NTNG1: variants seen among roughly 807,000 people sequenced by gnomAD.
NTNG1 encodes the protein netrin G1, also known as netrin-G1.
Under a neutral mutation model 54.0 loss-of-function variants are expected in NTNG1, and 16 were observed. The observed-to-expected ratio is 0.30, with a 90% confidence interval of 0.20 to 0.45. The LOEUF (loss-of-function observed/expected upper bound fraction) is 0.45, where lower values mean the gene tolerates loss of function less well. Ranked by LOEUF, NTNG1 falls within the 20% of genes least tolerant of loss-of-function variation. The pLI, the probability that NTNG1 is intolerant of heterozygous loss-of-function variation, is 1.00. For synonymous variants in NTNG1, 255 were observed against 263.1 expected (o/e 0.97, Z 0.30); for missense variants, 530 against 678.7 (o/e 0.78, Z 2.43).
chr1:107,286,606 A>G (rs1377479141), intron 2 of NTNG1, among the ~76,000 whole-genome samples: 1 of 152,182 alleles, frequency 6.6e-6, no homozygotes. Flanking sequence ...TAGAGAAGCA[A>G]ATAGAATTAT....
chr1:107,180,064 G>C (rs976312768), intron 2 of NTNG1, among the ~76,000 whole-genome samples: 1 of 152,134 alleles, frequency 6.6e-6, no homozygotes, highest in Non-Finnish European at 1.5e-5. Context: ...GAGTGTCTTA[G>C]ATTTTTCTGT....
At chr1:107,437,922 C>T (rs1675708131) in intron 7 of NTNG1, among the ~76,000 whole-genome samples, 2 of 152,058 alleles carry the variant, frequency 1.3e-5, no homozygotes, top group Non-Finnish European at 2.9e-5. Context: ...GTTATTTTTG[C>T]TTGCTTTTCA....
At chr1:107,456,790 T>A (rs1338749383) in intron 7 of NTNG1, among the ~76,000 whole-genome samples, 1 of 152,214 alleles carries the variant, frequency 6.6e-6, no homozygotes, top group Non-Finnish European at 1.5e-5. Flanking sequence ...ATGCAAGACC[T>A]CAGTCCCCAA....
chr1:107,163,556 G>A (rs1177353516), intron 2 of NTNG1, among the ~76,000 whole-genome samples: 1 of 152,116 alleles, frequency 6.6e-6, no homozygotes, highest in Non-Finnish European at 1.5e-5. Flanking sequence ...ATGGCAGCTA[G>A]TAGCTAACTG....
chr1:107,227,206 T>C (rs1365126778), intron 2 of NTNG1, among the ~76,000 whole-genome samples: 1 of 152,090 alleles, frequency 6.6e-6, no homozygotes, highest in Non-Finnish European at 1.5e-5. Context: ...ATAAGAGTAC[T>C]TACCTCACAG....
chr1:107,311,024 C>T (rs1666980105), intron 2 of NTNG1, among the ~76,000 whole-genome samples: 1 of 152,102 alleles, frequency 6.6e-6, no homozygotes. Flanking sequence ...TGTAATTAGC[C>T]ACTGAAGCTG....
chr1:107,233,082 A>G (rs530732200), intron 2 of NTNG1, among the ~76,000 whole-genome samples: 5 of 152,330 alleles, frequency 3.3e-5, no homozygotes, highest in East Asian at 1.9e-4. Flanking sequence ...TGTCTCTAAT[A>G]TGACTGATAC....
At chr1:107,146,723 A>T (rs1344831622) in intron 1 of NTNG1, among the ~76,000 whole-genome samples, 1 of 152,104 alleles carries the variant, frequency 6.6e-6, no homozygotes, top group Admixed American at 6.6e-5. Context: ...TATGAATTGA[A>T]TATAATGAAA....
chr1:107,247,709 C>T (rs1662296226), intron 2 of NTNG1, among the ~76,000 whole-genome samples: 1 of 152,150 alleles, frequency 6.6e-6, no homozygotes, highest in Non-Finnish European at 1.5e-5. Flanking sequence ...GAGAAGATCT[C>T]ATTTACTCCT....
chr1:107,419,239 CCTCTCTCT>C (rs147796224), intron 5 of NTNG1, among the ~76,000 whole-genome samples: 2 of 148,188 alleles, frequency 1.3e-5, no homozygotes, highest in Non-Finnish European at 3.0e-5. Context: ...CCTCCTCCCT[CCTCTCTCT>C]CTCTCTCTCT....
intron 5 of NTNG1, among the ~76,000 whole-genome samples, chr1:107,422,447 C>T (rs1216292834): frequency 6.6e-6 from 1 of 152,046 alleles, no homozygotes; most frequent in Non-Finnish European, 1.5e-5. Context: ...ACCTGCATCT[C>T]TAGTTTCTTG....
chr1:107,303,674 GT>G (rs1666467221), intron 2 of NTNG1, among the ~76,000 whole-genome samples: 1 of 150,344 alleles, frequency 6.7e-6, no homozygotes, highest in South Asian at 2.1e-4. Context: ...TCTAATGAGT[GT>G]TTCTTTTTTT....
chr1:107,241,000 C>T (rs1385530920), intron 2 of NTNG1, among the ~76,000 whole-genome samples: 1 of 152,034 alleles, frequency 6.6e-6, no homozygotes, highest in African/African-American at 2.4e-5. Context: ...GTACTAATTA[C>T]ATGATTCCCT....
At chr1:107,374,721 T>C (rs1385801692) in intron 3 of NTNG1, among the ~76,000 whole-genome samples, 1 of 152,188 alleles carries the variant, frequency 6.6e-6, no homozygotes, top group Non-Finnish European at 1.5e-5. Flanking sequence ...TGATTATTTG[T>C]GTCATTTTTC....
intron 7 of NTNG1, among the ~76,000 whole-genome samples, chr1:107,478,498 C>A (rs1678475056): frequency 1.3e-5 from 2 of 152,122 alleles, no homozygotes; most frequent in Admixed American, 1.3e-4. Flanking sequence ...CTCTGTTCAA[C>A]AGCTGATTTA....
chr1:107,303,136 T>G (rs1486548489), intron 2 of NTNG1, among the ~76,000 whole-genome samples: 1 of 152,202 alleles, frequency 6.6e-6, no homozygotes, highest in African/African-American at 2.4e-5. Context: ...AAGTCCAATA[T>G]AAAATAATCT....
chr1:107,162,805 A>T (rs1199216804), intron 2 of NTNG1, among the ~76,000 whole-genome samples: 1 of 152,160 alleles, frequency 6.6e-6, no homozygotes, highest in Non-Finnish European at 1.5e-5. Flanking sequence ...CGTCTTCATT[A>T]CTAGACTATA....
intron 2 of NTNG1, 107 bp downstream of exon 2, chr1:107,148,946 C>A: frequency 8.8e-7 from 1 of 1,138,492 alleles, no homozygotes; most frequent in Non-Finnish European, 1.3e-6. Flanking sequence ...GTTGAATCTG[C>A]AGGTGGCAGA....
chr1:107,454,493 A>G (rs545873964), intron 7 of NTNG1, among the ~76,000 whole-genome samples: 1 of 152,124 alleles, frequency 6.6e-6, no homozygotes, highest in South Asian at 2.1e-4. Flanking sequence ...ACGGGCTTTC[A>G]TTCCAAGGAT....
Sources: gnomAD v4.1 joint callset for allele counts (sites outside exome capture counted in the v4.1 genomes callset) on GRCh38, gnomAD v4.1.1 for gene constraint, MANE v1.5 for transcripts, NCBI Gene and HGNC (gene_info 2026-07-23, HGNC 2026-07-21) for gene names.